ILDR1: variants seen among roughly 807,000 people sequenced by gnomAD.
ILDR1 encodes immunoglobulin-like domain-containing receptor 1.
In ILDR1, 56 loss-of-function variants were observed where a neutral mutation model predicts 62.4. The ratio of observed to expected loss-of-function variants is 0.90; its 90% CI spans 0.72 to 1.12. The LOEUF (loss-of-function observed/expected upper bound fraction) is 1.12. ILDR1 is among the 50% of genes most tolerant of loss of function. The probability of loss-of-function intolerance (pLI) is 0.00; values close to 1 mark genes in which losing one functional copy is unlikely to be tolerated. For missense variants in ILDR1, 736 were observed against 710.6 expected (o/e 1.04, Z -0.41); for synonymous variants, 284 against 277.8 (o/e 1.02, Z -0.22).
chr3:122,015,209 T>C (rs748967184), intron 1 of ILDR1, among the ~76,000 whole-genome samples: 3 of 152,218 alleles, frequency 2.0e-5, no homozygotes, highest in Non-Finnish European at 4.4e-5. Context: ...AACAGACACA[T>C]GTATCCAAAT....
intron 1 of ILDR1, among the ~76,000 whole-genome samples, chr3:122,018,235 T>C (rs1033876255): frequency 6.6e-6 from 1 of 152,158 alleles, no homozygotes; most frequent in Non-Finnish European, 1.5e-5. Context: ...GTTCATGTCC[T>C]TTGCAGGGAC....
upstream of ILDR1, among the ~76,000 whole-genome samples, chr3:122,022,914 A>AAAATAAAT (rs59901956): frequency 0.035 from 5,053 of 143,344 alleles, 211 homozygotes; most frequent in East Asian, 0.099. Context: ...CTCGGTCTCG[A>AAAATAAAT]AAATAAATAA....
chr3:122,032,035 T>C, the ILDR1 span, among the ~76,000 whole-genome samples: 2 of 152,208 alleles, frequency 1.3e-5, no homozygotes, highest in Admixed American at 1.3e-4. Context: ...GAATGAGCCA[T>C]CACAATGTAA....
intron 1 of ILDR1, among the ~76,000 whole-genome samples, chr3:122,011,856 C>T (rs965351444): frequency 5.3e-5 from 8 of 152,076 alleles, no homozygotes; most frequent in African/African-American, 1.7e-4. Context: ...CAGCCCTGCT[C>T]ATATAGGTGG....
intron 1 of ILDR1, among the ~76,000 whole-genome samples, chr3:122,013,563 C>T (rs2071733992): frequency 6.6e-6 from 1 of 152,050 alleles, no homozygotes; most frequent in African/African-American, 2.4e-5. Flanking sequence ...AGCATATTTA[C>T]CATCAGTGCC....
At chr3:122,061,641 C>T in the ILDR1 span, among the ~76,000 whole-genome samples, 2 of 152,128 alleles carry the variant, frequency 1.3e-5, no homozygotes. Flanking sequence ...AAAAATTAAA[C>T]CACTACCTAC....
chr3:122,005,739 T>C (rs1479745800), intron 2 of ILDR1, among the ~76,000 whole-genome samples: 1 of 151,880 alleles, frequency 6.6e-6, no homozygotes, highest in African/African-American at 2.4e-5. Context: ...CCCATGGAAT[T>C]CATCCACCTG....
At chr3:122,025,493 A>G (rs1056181941), upstream of ILDR1, among the ~76,000 whole-genome samples, 1 of 152,194 alleles carries the variant, frequency 6.6e-6, no homozygotes, top group Non-Finnish European at 1.5e-5. Context: ...TTCAGAACAC[A>G]ATACCCTTCA....
At chr3:122,052,548 C>A in the ILDR1 span, among the ~76,000 whole-genome samples, 1 of 152,164 alleles carries the variant, frequency 6.6e-6, no homozygotes, top group Non-Finnish European at 1.5e-5. Context: ...CAGGCAGCCC[C>A]CAGGAAAGTC....
At position 122,007,044 on chromosome 3, in the gene ILDR1, G is replaced by A. The variant is rs770578856; in HGVS notation, c.176C>T (p.Thr59Ile). 5 of 1,613,948 alleles carry A rather than the reference G, an allele frequency of 3.1e-6. No individual in the cohort carries two copies. In the African/African-American group the frequency reaches 5.3e-5, roughly 17 times the overall value. ...TSAQLQDVVV[T>I]WRFKSFCKDP... ...CTTGCAGAAGGACTTGAAGCGCCAT[G>A]TCACCACCACGTCCTGGAGCTGGGC... The change falls in exon 2 of 8, where the codon ACA becomes ATA. Residue 59 changes from threonine to isoleucine, a missense_variant. Coordinates refer to ENST00000344209, the MANE Select transcript of ILDR1 (RefSeq NM_001199799.2).
chr3:121,990,395 A>T (rs1261905647), intron 7 of ILDR1, among the ~76,000 whole-genome samples: 1 of 152,248 alleles, frequency 6.6e-6, no homozygotes, highest in African/African-American at 2.4e-5. Flanking sequence ...ACTCCTTGGG[A>T]GATAAGCTCA....
At chr3:122,031,956 T>C in the ILDR1 span, among the ~76,000 whole-genome samples, 20 of 152,212 alleles carry the variant, frequency 1.3e-4, no homozygotes, top group Non-Finnish European at 8.8e-5. Context: ...TTCCTTGATA[T>C]CTTAACAATT....
At chr3:122,012,050 T>C (rs761529815) in intron 1 of ILDR1, among the ~76,000 whole-genome samples, 10 of 152,342 alleles carry the variant, frequency 6.6e-5, no homozygotes, top group Middle Eastern at 3.4e-3. Context: ...GCAGTCAGAT[T>C]TTCCAGATTG....
At chr3:122,011,677 T>TCTCACACACACACACACACACACACA (rs1553745466) in intron 1 of ILDR1, among the ~76,000 whole-genome samples, 1 of 133,138 alleles carries the variant, frequency 7.5e-6, no homozygotes, top group South Asian at 2.5e-4. Flanking sequence ...TCTCTCTCTT[T>TCTCACACACACACACACACACACACA]CACACACACA....
chr3:122,043,495 A>G, the ILDR1 span, among the ~76,000 whole-genome samples: 3 of 135,318 alleles, frequency 2.2e-5, no homozygotes, highest in South Asian at 8.0e-4. Flanking sequence ...GAATCTGTAA[A>G]TTACCTTGGG....
chr3:122,028,568 A>G, the ILDR1 span, among the ~76,000 whole-genome samples: 3 of 152,226 alleles, frequency 2.0e-5, no homozygotes, highest in Non-Finnish European at 4.4e-5. Context: ...TTATAATTGG[A>G]AATATATAAA....
intron 1 of ILDR1, among the ~76,000 whole-genome samples, chr3:122,016,566 T>C (rs907544183): frequency 2.0e-4 from 31 of 152,060 alleles, no homozygotes; most frequent in Non-Finnish European, 3.8e-4. Flanking sequence ...AAGAAGGGTG[T>C]GTGTTGAGGA....
At chr3:122,007,275 A>C (rs1410008288) in intron 1 of ILDR1, 114 bp from the exon 2 acceptor site, 2 of 1,558,632 alleles carry the variant, frequency 1.3e-6, no homozygotes, top group African/African-American at 2.7e-5. Context: ...CCTGGCTAGG[A>C]GCTCACAGAC....
the ILDR1 span, among the ~76,000 whole-genome samples, chr3:122,045,317 T>C: frequency 1.3e-5 from 2 of 149,842 alleles, no homozygotes; most frequent in African/African-American, 2.4e-5. Flanking sequence ...TTACATTTGC[T>C]GAGGAGAGCT....
Sources: allele counts gnomAD v4.1 joint callset (sites outside exome capture counted in the v4.1 genomes callset), GRCh38; gene constraint gnomAD v4.1.1; transcripts MANE v1.5; gene names NCBI Gene and HGNC (gene_info 2026-07-23, HGNC 2026-07-21).